Variants in CRTC1 observed in about 807,000 individuals in gnomAD.
The protein encoded by CRTC1 is CREB regulated transcription coactivator 1, also known as CREB-regulated transcription coactivator 1.
Under a neutral mutation model 66.1 loss-of-function variants are expected in CRTC1, and 18 were observed. The ratio of observed to expected loss-of-function variants is 0.27; its 90% CI spans 0.19 to 0.40. The LOEUF (loss-of-function observed/expected upper bound fraction) is 0.40. Ranked by LOEUF, CRTC1 falls within the 10% of genes least tolerant of loss-of-function variation. The probability of loss-of-function intolerance (pLI) is 1.00; values close to 1 mark genes in which losing one functional copy is unlikely to be tolerated. For synonymous variants in CRTC1, 416 were observed against 398.8 expected (o/e 1.04, Z -0.51); for missense variants, 669 against 887.9 (o/e 0.75, Z 3.13).
intron 1 of CRTC1, among the ~76,000 whole-genome samples, chr19:18,721,533 C>T (rs1218153146): frequency 2.0e-5 from 3 of 148,696 alleles, no homozygotes; most frequent in African/African-American, 5.0e-5. Flanking sequence ...CTTGCTCTGT[C>T]GCCCAGGCTG....
intron 1 of CRTC1, among the ~76,000 whole-genome samples, chr19:18,703,051 C>G (rs955591994): frequency 6.6e-6 from 1 of 151,622 alleles, no homozygotes; most frequent in Admixed American, 6.6e-5. Context: ...AGCTGAGACT[C>G]GGCTCACTGT....
At position 18,777,412 on chromosome 19, in the gene CRTC1, C is replaced by T. The variant is rs569795960; in HGVS notation, c.*30C>T. ...GCACGCCGGCACCCTGCCGCTCAGC[C>T]GTCCCGACGGCGCCTCCCCAGCCCG... On this transcript the variant is annotated 3_prime_UTR_variant, in exon 14 of 14. Transcript: ENST00000321949. The surrounding 1 kb of genome is among the most constrained non-coding windows in gnomAD (Gnocchi z 5.5). 2.5e-5 allele frequency: 39 copies of T among 1,588,528 alleles called. No individual in the cohort carries two copies. The Admixed American group carries it at 3.2e-4, about 13-fold the overall frequency.
chr19:18,695,886 C>T (rs1448536462), intron 1 of CRTC1, among the ~76,000 whole-genome samples: 3 of 152,034 alleles, frequency 2.0e-5, no homozygotes, highest in Non-Finnish European at 1.5e-5. Context: ...AACAAACAAA[C>T]AAAAACACTA....
chr19:18,748,601 G>A (rs770355977), intron 4 of CRTC1, among the ~76,000 whole-genome samples: 19 of 148,268 alleles, frequency 1.3e-4, no homozygotes, highest in Non-Finnish European at 1.8e-4. Flanking sequence ...TTGGGAGGCC[G>A]AGGCGGGTGG....
At chr19:18,709,668 G>C (rs1463901322) in intron 1 of CRTC1, among the ~76,000 whole-genome samples, 1 of 152,134 alleles carries the variant, frequency 6.6e-6, no homozygotes. Context: ...AGTGCACCTA[G>C]GACTCCACCT....
rs2055029116 is a variant in CRTC1 at position 18,777,852 on chromosome 19, C to G, written c.*470C>G. The stretch of plus-strand genomic sequence containing the variant: ...CGGTCCCCCAGCCCATCCGCCATCC[C>G]CAGCCCGTGGTCAGGTAGAGAGTGA... On this transcript the variant is annotated 3_prime_UTR_variant, in exon 14 of 14. Transcript: ENST00000321949. The surrounding 1 kb of genome is among the most constrained non-coding windows in gnomAD (Gnocchi z 5.5). 2 of 293,146 alleles carry G rather than the reference C, an allele frequency of 6.8e-6. No individual in the cohort carries two copies. The highest frequency in any genetic ancestry group is 1.1e-4 in the Admixed American group (2 of 18,376). 18.2% of individuals were successfully genotyped at this position (293,146 alleles called of 1,614,324 possible). A position where few individuals can be genotyped will look rare whatever the true frequency, so the allele number is the denominator to read the frequency against.
At chr19:18,714,136 C>G (rs2145595617) in intron 1 of CRTC1, among the ~76,000 whole-genome samples, 1 of 152,218 alleles carries the variant, frequency 6.6e-6, no homozygotes, top group Admixed American at 6.5e-5. Context: ...CCAAGGCCAC[C>G]CTCCACAGCC....
At chr19:18,698,809 G>T (rs2053060313) in intron 1 of CRTC1, among the ~76,000 whole-genome samples, 2 of 151,668 alleles carry the variant, frequency 1.3e-5, no homozygotes, top group South Asian at 2.1e-4. Context: ...TGTTCAGCAG[G>T]CACACGGTGT....
rs1255506606 is a variant in CRTC1, at chr19:18,683,831, A to T, written c.126+3A>T. 2.4e-6 allele frequency: 3 copies of T among 1,256,316 alleles called. No homozygotes were observed. Among genetic ancestry groups the T allele is most frequent in the Non-Finnish European group, 3.1e-6 (3 of 969,988 alleles). The allele number at this position is 1,256,316 out of a possible 1,614,324, so 77.8% of individuals were successfully genotyped here. ...TGAGCCTGACGCGGGCCGCGCGGGT[A>T]AGGGGGCTGCCCGCGCCGACCCTTC... On this transcript the variant is annotated splice_donor_region_variant and intron_variant, in intron 1 of 13. Transcript: ENST00000321949.
chr19:18,770,718 T>G (rs2054843369), intron 10 of CRTC1, among the ~76,000 whole-genome samples: 1 of 151,974 alleles, frequency 6.6e-6, no homozygotes, highest in Admixed American at 6.5e-5. Flanking sequence ...TGTGGATATG[T>G]GGACATTTGT....
intron 1 of CRTC1, among the ~76,000 whole-genome samples, chr19:18,709,948 G>A (rs1028428431): frequency 1.3e-5 from 2 of 152,144 alleles, no homozygotes; most frequent in African/African-American, 2.4e-5. Flanking sequence ...TCCTTCCAGC[G>A]GCTTCTCGTC....
chr19:18,730,995 A>G (rs1371821302), intron 1 of CRTC1, among the ~76,000 whole-genome samples: 4 of 151,726 alleles, frequency 2.6e-5, no homozygotes, highest in African/African-American at 9.7e-5. Context: ...CCCTTTTTTA[A>G]GAGACAGTGT....
At chr19:18,773,650 T>G (rs2054920615) in intron 11 of CRTC1, among the ~76,000 whole-genome samples, 1 of 152,164 alleles carries the variant, frequency 6.6e-6, no homozygotes, top group African/African-American at 2.4e-5. Flanking sequence ...GCGGTCCTTG[T>G]TTCCAAAACC....
intron 1 of CRTC1, among the ~76,000 whole-genome samples, chr19:18,736,798 C>A (rs6510997): frequency 2.0e-5 from 3 of 151,914 alleles, no homozygotes; most frequent in African/African-American, 7.3e-5. Flanking sequence ...CACGGCTTTG[C>A]AGGGCCGAGC....
chr19:18,705,112 C>T (rs905077568), intron 1 of CRTC1, among the ~76,000 whole-genome samples: 43 of 152,082 alleles, frequency 2.8e-4, no homozygotes, highest in Non-Finnish European at 4.7e-4. Context: ...CGTGTCAGAA[C>T]GTCCTTCCCC....
At position 18,747,127 on chromosome 19, in the gene CRTC1, A is replaced by ACACC; in HGVS notation, c.443+15_443+18dup. 7.2e-7 allele frequency: 1 copy of ACACC among 1,391,652 alleles called. No individual in the cohort carries two copies. The highest frequency in any genetic ancestry group is 9.9e-7 in the Non-Finnish European group (1 of 1,009,560). 86.2% of individuals were successfully genotyped at this position (1,391,652 alleles called of 1,614,324 possible). A position where few individuals can be genotyped will look rare whatever the true frequency, so the allele number is the denominator to read the frequency against. On this transcript the variant is annotated intron_variant, in intron 4 of 13. Transcript: ENST00000321949. ...CCAGCTGGAGAAGGTCAGTGGCTGG[A>ACACC]CACCCCCCCCCCGCCCCCTTCTTGT...
intron 1 of CRTC1, among the ~76,000 whole-genome samples, chr19:18,730,785 G>C (rs1228843774): frequency 6.6e-6 from 1 of 152,076 alleles, no homozygotes; most frequent in Admixed American, 6.5e-5. Context: ...TGTCCCCCTT[G>C]GTCCCCCTAC....
chr19:18,754,829 G>A (rs1218973102), intron 6 of CRTC1, among the ~76,000 whole-genome samples: 4 of 152,220 alleles, frequency 2.6e-5, no homozygotes, highest in African/African-American at 9.6e-5. Flanking sequence ...ACAGATACCA[G>A]CAGGCAGACC....
intron 1 of CRTC1, among the ~76,000 whole-genome samples, chr19:18,715,222 C>T (rs1270418165): frequency 6.6e-6 from 1 of 152,164 alleles, no homozygotes; most frequent in Non-Finnish European, 1.5e-5. Context: ...TCTCTTTCCC[C>T]TTCTCCTCTC....
Sources: allele counts gnomAD v4.1 joint callset (sites outside exome capture counted in the v4.1 genomes callset), GRCh38; gene constraint gnomAD v4.1.1; non-coding constraint Gnocchi (gnomAD v3.1); transcripts MANE v1.5; gene names NCBI Gene and HGNC (gene_info 2026-07-23, HGNC 2026-07-21).